Variants in PDE3A observed in about 807,000 individuals in gnomAD.
The protein encoded by PDE3A is phosphodiesterase 3A.
PDE3A carries 43 observed loss-of-function variants against 98.3 expected under a neutral mutation model. That is an observed-to-expected ratio of 0.44 (90% CI 0.34 to 0.56). The LOEUF (loss-of-function observed/expected upper bound fraction) is 0.56, where lower values mean the gene tolerates loss of function less well. Among genes scored for constraint, PDE3A ranks in the 20% least tolerant of loss-of-function variants. The probability of loss-of-function intolerance (pLI) is 0.01; values close to 1 mark genes in which losing one functional copy is unlikely to be tolerated. For synonymous variants in PDE3A, 663 were observed against 567.9 expected, an observed-to-expected ratio of 1.17 and a Z score of -2.38; for missense variants, 1,427 against 1,440.7, an observed-to-expected ratio of 0.99 and a Z score of 0.15.
chr12:20,618,427 AAGAATG>A (rs1329779230), intron 4 of PDE3A, among the ~76,000 whole-genome samples: 2 of 30,554 alleles, frequency 6.5e-5, no homozygotes, highest in African/African-American at 1.4e-4. Context: ...AAAGAAGAAT[AAGAATG>A]AGAAATAATA....
At chr12:20,464,945 C>A (rs889835832) in intron 1 of PDE3A, among the ~76,000 whole-genome samples, 1 of 151,988 alleles carries the variant, frequency 6.6e-6, no homozygotes, top group African/African-American at 2.4e-5. Context: ...CTATTTATAC[C>A]CCTAGCAAAT....
chr12:20,547,367 C>T (rs543289989), intron 1 of PDE3A, among the ~76,000 whole-genome samples: 2 of 152,228 alleles, frequency 1.3e-5, no homozygotes, highest in South Asian at 2.1e-4. Context: ...AGAGATACAT[C>T]TTGTTTTGTT....
At chr12:20,563,949 A>G (rs1030732332) in intron 2 of PDE3A, among the ~76,000 whole-genome samples, 4 of 152,104 alleles carry the variant, frequency 2.6e-5, no homozygotes, top group Admixed American at 6.6e-5. Flanking sequence ...GTTTAGTATT[A>G]TGTCTTTAAT....
intron 1 of PDE3A, among the ~76,000 whole-genome samples, chr12:20,437,281 C>A (rs184785397): frequency 6.6e-5 from 10 of 152,084 alleles, no homozygotes; most frequent in East Asian, 1.9e-4. Context: ...CATTTGGGAA[C>A]CTGTGTTGCA....
Position 20,687,914 on chromosome 12 carries a change from G to GAAAAAAAAA in PDE3A, c.*7658_*7666dup, listed in dbSNP as rs58496505. ...GACCAGTCATTACCTCTTCCCAACA[G>GAAAAAAAAA]AAAAAAAAAAAAAAAAAAAAAAACT... On this transcript the variant is annotated 3_prime_UTR_variant, in exon 16 of 16. Coordinates refer to ENST00000359062, the MANE Select transcript of PDE3A (RefSeq NM_000921.5). Among the ~76,000 whole-genome samples the GAAAAAAAAA allele has an allele frequency of 1.1e-5, 1 of 94,312 alleles. No individual in the cohort carries two copies. Among genetic ancestry groups the GAAAAAAAAA allele is most frequent in the African/African-American group, 4.3e-5 (1 of 23,402 alleles). The allele number at this position is 94,312 out of a possible 152,430, so 61.9% of individuals were successfully genotyped here.
intron 1 of PDE3A, among the ~76,000 whole-genome samples, chr12:20,511,782 G>A (rs923129919): frequency 6.6e-6 from 1 of 152,044 alleles, no homozygotes; most frequent in East Asian, 1.9e-4. Context: ...TGGGCAAAGA[G>A]AAAGAGAGAC....
At chr12:20,497,784 A>T (rs1945946636) in intron 1 of PDE3A, among the ~76,000 whole-genome samples, 1 of 152,146 alleles carries the variant, frequency 6.6e-6, no homozygotes, top group Non-Finnish European at 1.5e-5. Flanking sequence ...TCATTGATCA[A>T]ATAGAACAAA....
At chr12:20,481,161 A>G (rs1351911493) in intron 1 of PDE3A, among the ~76,000 whole-genome samples, 1 of 152,240 alleles carries the variant, frequency 6.6e-6, no homozygotes, top group South Asian at 2.1e-4. Flanking sequence ...AAGTAGATAC[A>G]GCATATATGT....
chr12:20,580,755 A>G (rs377533333), intron 2 of PDE3A, among the ~76,000 whole-genome samples: 32 of 152,198 alleles, frequency 2.1e-4, no homozygotes, highest in African/African-American at 6.5e-4. Context: ...AGAGGAATAA[A>G]TGTACAGCCT....
chr12:20,645,475 G>T lies in PDE3A; in HGVS notation c.2252-1015G>T, dbSNP rs12314814. Among the ~76,000 whole-genome samples, 1,173 of 152,068 alleles carry T rather than the reference G, an allele frequency of 7.7e-3. 11 individuals carry two copies. The highest frequency in any genetic ancestry group is 0.027 in the African/African-American group (1,109 of 41,450). ...CTCTTCTCCTTATTTTAAGTATTAT[G>T]AAGAAATGTAATCTCTTATACTAGA... On this transcript the variant is annotated intron_variant, in intron 10 of 15. Transcript: ENST00000359062.
At position 20,552,482 on chromosome 12, in the gene PDE3A, G is replaced by A. The variant is rs1942239688; in HGVS notation, c.961-4178G>A. The A allele has an allele frequency of 5.6e-6, 9 of 1,612,886 alleles. No individual in the cohort carries two copies. Among genetic ancestry groups the A allele is most frequent in the East Asian group, 2.2e-5 (1 of 44,836 alleles). On this transcript the variant is annotated intron_variant, in intron 1 of 15. Transcript: ENST00000359062. The surrounding 1 kb of genome is among the most constrained non-coding windows in gnomAD (Gnocchi z 5.1). ...GGCTACCTGGAAGCCCTGGCCAACC[G>A]AGAGCGAGAGAAGGAGAACAGCAAG... is the stretch of plus-strand genomic sequence containing the variant.
At chr12:20,498,851 C>T (rs974550476) in intron 1 of PDE3A, among the ~76,000 whole-genome samples, 16 of 152,024 alleles carry the variant, frequency 1.1e-4, no homozygotes, top group African/African-American at 3.9e-4. Flanking sequence ...TCCTTGCTTT[C>T]TTTCCTTCCT....
At chr12:20,461,033 A>G (rs1177632450) in intron 1 of PDE3A, among the ~76,000 whole-genome samples, 1 of 152,096 alleles carries the variant, frequency 6.6e-6, no homozygotes, top group Non-Finnish European at 1.5e-5. Flanking sequence ...GGTATAAAAG[A>G]TTGTTTTACA....
intron 2 of PDE3A, among the ~76,000 whole-genome samples, chr12:20,596,146 A>G (rs1251478641): frequency 1.3e-5 from 2 of 152,196 alleles, no homozygotes; most frequent in Non-Finnish European, 2.9e-5. Context: ...GTATTACCAT[A>G]CAAACACTCT....
At position 20,687,748 on chromosome 12, in the gene PDE3A, T is replaced by C. The variant is rs1387649512; in HGVS notation, c.*7477T>C. Among the ~76,000 whole-genome samples the C allele has an allele frequency of 6.6e-6, 1 of 151,902 alleles. No homozygotes were observed. Among genetic ancestry groups the C allele is most frequent in the Non-Finnish European group, 1.5e-5 (1 of 67,908 alleles). On this transcript the variant is annotated 3_prime_UTR_variant, in exon 16 of 16. Coordinates refer to ENST00000359062, the MANE Select transcript of PDE3A (RefSeq NM_000921.5). ...AAAATAATAAAAATGAGATTCTCCC[T>C]GGCTTTCTATAATATATTAGGATAT... is the stretch of plus-strand genomic sequence containing the variant.
intron 1 of PDE3A, among the ~76,000 whole-genome samples, chr12:20,544,117 T>C (rs1399870114): frequency 2.0e-5 from 3 of 151,100 alleles, no homozygotes; most frequent in African/African-American, 7.3e-5. Context: ...GTTGGCAGTT[T>C]CAGTATTTTT....
At chr12:20,661,246 G>T (rs1945163742) in intron 15 of PDE3A, among the ~76,000 whole-genome samples, 1 of 152,170 alleles carries the variant, frequency 6.6e-6, no homozygotes, top group Non-Finnish European at 1.5e-5. Context: ...TTTCTAAGCA[G>T]CAAAGCATTC....
chr12:20,473,261 A>C (rs1320644264), intron 1 of PDE3A, among the ~76,000 whole-genome samples: 1 of 152,136 alleles, frequency 6.6e-6, no homozygotes, highest in Non-Finnish European at 1.5e-5. Context: ...GTATCTCCCT[A>C]CCCTCTTAAA....
intron 1 of PDE3A, among the ~76,000 whole-genome samples, chr12:20,414,670 T>C (rs1036820243): frequency 9.9e-5 from 15 of 152,210 alleles, no homozygotes; most frequent in African/African-American, 3.4e-4. Flanking sequence ...CAAAAACAGA[T>C]AATATTTGCT....
Sources: gnomAD v4.1 joint callset for allele counts (sites outside exome capture counted in the v4.1 genomes callset) on GRCh38, gnomAD v4.1.1 for gene constraint, Gnocchi (gnomAD v3.1) non-coding constraint, MANE v1.5 for transcripts, NCBI Gene and HGNC (gene_info 2026-07-23, HGNC 2026-07-21) for gene names.